Variants in CACNA2D3 observed in about 807,000 individuals in gnomAD.
CACNA2D3 encodes calcium voltage-gated channel auxiliary subunit alpha2delta 3, also known as voltage-dependent calcium channel subunit alpha-2/delta-3.
In CACNA2D3, 60 loss-of-function variants were observed where a neutral mutation model predicts 160.6. That is an observed-to-expected ratio of 0.37 (90% CI 0.30 to 0.46). The LOEUF (loss-of-function observed/expected upper bound fraction) is 0.46, where lower values mean the gene tolerates loss of function less well. CACNA2D3 is among the 20% of genes least tolerant of loss of function. The pLI is 1.00. For synonymous variants in CACNA2D3, 558 were observed against 492.9 expected, an observed-to-expected ratio of 1.13 and a Z score of -1.75; for missense variants, 1,205 against 1,365.0, an observed-to-expected ratio of 0.88 and a Z score of 1.85.
intron 3 of CACNA2D3, among the ~76,000 whole-genome samples, chr3:54,329,258 T>C (rs1575398396): frequency 1.3e-5 from 2 of 152,234 alleles, no homozygotes; most frequent in African/African-American, 4.8e-5. Context: ...CAACTTGCCT[T>C]TACTGTGGCC....
chr3:54,619,950 G>C (rs1698946622), intron 9 of CACNA2D3, among the ~76,000 whole-genome samples: 1 of 152,178 alleles, frequency 6.6e-6, no homozygotes, highest in East Asian at 1.9e-4. Context: ...TTGTCAGGAG[G>C]AATTAGATCA....
intron 16 of CACNA2D3, among the ~76,000 whole-genome samples, chr3:54,841,463 C>T (rs985488464): frequency 6.6e-6 from 1 of 152,142 alleles, no homozygotes; most frequent in Non-Finnish European, 1.5e-5. Context: ...GGCATCCTTC[C>T]CTCTGGTTCC....
At chr3:54,374,855 C>T (rs1698982937) in intron 3 of CACNA2D3, among the ~76,000 whole-genome samples, 1 of 152,182 alleles carries the variant, frequency 6.6e-6, no homozygotes, top group African/African-American at 2.4e-5. Context: ...TGTCTTGGAT[C>T]ACCTTTTGCT....
chr3:54,867,235 G>A (rs1294175038), intron 17 of CACNA2D3, among the ~76,000 whole-genome samples: 2 of 152,174 alleles, frequency 1.3e-5, no homozygotes, highest in African/African-American at 2.4e-5. Flanking sequence ...GGGCATGGGA[G>A]TTGGACATAT....
At chr3:55,000,427 A>C (rs1416636164) in intron 31 of CACNA2D3, among the ~76,000 whole-genome samples, 1 of 152,050 alleles carries the variant, frequency 6.6e-6, no homozygotes, top group Non-Finnish European at 1.5e-5. Flanking sequence ...GGGGAGGGAG[A>C]GTGTTAGGAC....
chr3:55,018,988 G>A (rs1703388905), intron 35 of CACNA2D3, among the ~76,000 whole-genome samples: 1 of 141,136 alleles, frequency 7.1e-6, no homozygotes, highest in African/African-American at 2.7e-5. Flanking sequence ...TTACTGTGTT[G>A]CCTGGGCTGG....
intron 19 of CACNA2D3, 114 bp downstream of exon 19, chr3:54,879,203 GTC>G: frequency 1.1e-6 from 1 of 870,788 alleles, no homozygotes; most frequent in Non-Finnish European, 1.8e-6. Context: ...TTTTTCTCTT[GTC>G]TTTACTTATC....
intron 35 of CACNA2D3, among the ~76,000 whole-genome samples, chr3:55,066,407 A>G (rs1023129614): frequency 1.3e-5 from 2 of 152,198 alleles, no homozygotes; most frequent in Admixed American, 6.5e-5. Context: ...TTCAAGCTAC[A>G]GTTTTGTACC....
chr3:55,073,405 G>T (rs762002727), intron 35 of CACNA2D3, 40 bp from the exon 36 acceptor site: 4 of 1,473,504 alleles, frequency 2.7e-6, no homozygotes, highest in Non-Finnish European at 2.8e-6. Flanking sequence ...TTTAATTGAC[G>T]GATGGTAAAT....
At chr3:54,633,579 TTCCTCACAGGAAGAGGAGGGACCAGGC>T (rs1699294318) in intron 10 of CACNA2D3, 1 of 149,800 alleles carries the variant, frequency 6.7e-6, no homozygotes, top group South Asian at 2.1e-4. Flanking sequence ...GAATTCCAGG[TTCCTCACAGGAAGAGGAGGGACCAGGC>T]TCCTCCCCAC....
chr3:54,794,606 T>TA (rs201715969), intron 13 of CACNA2D3, among the ~76,000 whole-genome samples: 1,973 of 73,568 alleles, frequency 0.027, 24 homozygotes, highest in African/African-American at 0.086. Flanking sequence ...CTCAGATATA[T>TA]TTTTTTTTTT....
intron 12 of CACNA2D3, among the ~76,000 whole-genome samples, chr3:54,758,996 C>G (rs185811830): frequency 6.6e-6 from 1 of 152,290 alleles, no homozygotes; most frequent in East Asian, 1.9e-4. Flanking sequence ...TTCTCATGCT[C>G]AGGCAGCTTT....
At chr3:54,954,141 A>G (rs1160587804) in intron 27 of CACNA2D3, among the ~76,000 whole-genome samples, 1 of 152,168 alleles carries the variant, frequency 6.6e-6, no homozygotes, top group Non-Finnish European at 1.5e-5. Flanking sequence ...TAATCATGTC[A>G]TCATGCAGGC....
chr3:54,744,144 A>G (rs1024985139), intron 11 of CACNA2D3, among the ~76,000 whole-genome samples: 1 of 152,288 alleles, frequency 6.6e-6, no homozygotes, highest in Non-Finnish European at 1.5e-5. Flanking sequence ...TGATATGACT[A>G]TTCTGGATCT....
chr3:54,652,045 A>G (rs1699774954), intron 11 of CACNA2D3, among the ~76,000 whole-genome samples: 1 of 152,158 alleles, frequency 6.6e-6, no homozygotes, highest in South Asian at 2.1e-4. Flanking sequence ...TGAGAGGAGA[A>G]GGGATTTGCC....
intron 27 of CACNA2D3, among the ~76,000 whole-genome samples, chr3:54,941,945 T>C (rs1357477421): frequency 1.3e-5 from 2 of 152,220 alleles, no homozygotes; most frequent in Non-Finnish European, 2.9e-5. Context: ...GAAATGGCAA[T>C]GACAGCTGCC....
At chr3:54,731,596 G>T (rs1009311522) in intron 11 of CACNA2D3, among the ~76,000 whole-genome samples, 1 of 152,126 alleles carries the variant, frequency 6.6e-6, no homozygotes, top group African/African-American at 2.4e-5. Flanking sequence ...CTTGGCCCTA[G>T]AAGAGTCAGA....
chr3:54,237,695 A>AT (rs1157391910), intron 2 of CACNA2D3, among the ~76,000 whole-genome samples: 1 of 152,046 alleles, frequency 6.6e-6, no homozygotes, highest in African/African-American at 2.4e-5. Flanking sequence ...ATTTACCCAG[A>AT]TTGAAAATCC....
chr3:54,221,647 A>G (rs2107378081), intron 2 of CACNA2D3, among the ~76,000 whole-genome samples: 1 of 152,332 alleles, frequency 6.6e-6, no homozygotes, highest in South Asian at 2.1e-4. Flanking sequence ...GCCAGTACCC[A>G]AATTCACAGA....
Sources: gnomAD v4.1 joint callset for allele counts (sites outside exome capture counted in the v4.1 genomes callset) on GRCh38, gnomAD v4.1.1 for gene constraint, MANE v1.5 for transcripts, NCBI Gene and HGNC (gene_info 2026-07-23, HGNC 2026-07-21) for gene names.